FREM1: variants seen among roughly 807,000 people sequenced by gnomAD.
FREM1 encodes FRAS1-related extracellular matrix protein 1.
In FREM1, 220 loss-of-function variants were observed where a neutral mutation model predicts 210.1. The observed-to-expected ratio is 1.05, with a 90% CI of 0.94 to 1.17. The LOEUF is 1.17. FREM1 is among the 50% of genes most tolerant of loss of function. FREM1 has a pLI of 0.00. For synonymous variants in FREM1, 1,189 were observed against 980.2 expected (o/e 1.21, Z -3.98); for missense variants, 3,454 against 2,675.5 (o/e 1.29, Z -6.42).
intron 22 of FREM1, chr9:14,790,665 A>T (rs192251553): frequency 6.6e-6 from 1 of 152,340 alleles, no homozygotes; most frequent in African/African-American, 2.4e-5. Context: ...CAGATTCAAG[A>T]TGGCGAAAAC....
chr9:14,870,468 T>C (rs1419696767), intron 1 of FREM1, among the ~76,000 whole-genome samples: 1 of 152,124 alleles, frequency 6.6e-6, no homozygotes, highest in African/African-American at 2.4e-5. Context: ...GGTTGTTTTG[T>C]TTTTTGTTGC....
intron 18 of FREM1, among the ~76,000 whole-genome samples, chr9:14,806,147 A>C (rs932178198): frequency 6.6e-6 from 1 of 152,162 alleles, no homozygotes; most frequent in African/African-American, 2.4e-5. Flanking sequence ...GTAAATTTGC[A>C]TGCAAGGGGG....
At chr9:14,827,756 G>A (rs1238511992) in intron 10 of FREM1, among the ~76,000 whole-genome samples, 2 of 152,182 alleles carry the variant, frequency 1.3e-5, no homozygotes, top group African/African-American at 4.8e-5. Flanking sequence ...AGGGCCTTGA[G>A]GACAGAATGG....
At position 14,750,192 on chromosome 9, in the gene FREM1, G is replaced by C; in HGVS notation, c.5492C>G (p.Ser1831Cys). 6.2e-7 allele frequency: 1 copy of C among 1,613,726 alleles called. No homozygotes were observed. Among genetic ancestry groups the C allele is most frequent in the African/African-American group, 1.3e-5 (1 of 75,028 alleles). ...TGTGCCAAGAACTGCATTCACAGGG[G>C]AGTTCAGAATTACTTCAAAGACCTC... ...DDEVFEVILN[S>C]PVNAVLGTKT... The change falls in exon 30 of 37, where the codon TCC becomes TGC. Residue 1831 changes from serine (S) to cysteine (C), a missense_variant. Transcript: ENST00000380880.
intron 20 of FREM1, 47 bp downstream of exon 20, chr9:14,801,605 T>G (rs757938708): frequency 1.5e-6 from 2 of 1,307,134 alleles, no homozygotes; most frequent in African/African-American, 1.4e-5. Flanking sequence ...ATGGGTTAAA[T>G]TATTCAATCA....
intron 6 of FREM1, among the ~76,000 whole-genome samples, chr9:14,849,745 G>A (rs1485888538): frequency 2.0e-5 from 3 of 152,144 alleles, no homozygotes; most frequent in African/African-American, 7.2e-5. Flanking sequence ...AAAACTGTGT[G>A]ATCTCCACTG....
intron 16 of FREM1, among the ~76,000 whole-genome samples, chr9:14,808,507 G>A (rs1472776073): frequency 2.6e-5 from 4 of 152,090 alleles, no homozygotes; most frequent in African/African-American, 9.7e-5. Flanking sequence ...GAGGGAGAAG[G>A]CAACCTTTTC....
At chr9:14,908,569 G>A (rs1818196046) in intron 1 of FREM1, among the ~76,000 whole-genome samples, 1 of 152,106 alleles carries the variant, frequency 6.6e-6, no homozygotes, top group Non-Finnish European at 1.5e-5. Context: ...AAAAGATGAG[G>A]TTGGTGGAAA....
intron 22 of FREM1, among the ~76,000 whole-genome samples, chr9:14,789,693 T>C (rs1449171773): frequency 6.6e-6 from 1 of 152,178 alleles, no homozygotes; most frequent in African/African-American, 2.4e-5. Context: ...CATCAAAAAA[T>C]ATAAACTGCA....
chr9:14,746,300 T>C (rs910709300), intron 35 of FREM1, 53 bp downstream of exon 35: 16 of 1,268,566 alleles, frequency 1.3e-5, no homozygotes, highest in Middle Eastern at 1.9e-4. Context: ...CATGAGCAAA[T>C]AGAGAAATAG....
intron 5 of FREM1, 125 bp from the exon 6 acceptor site, chr9:14,851,732 T>A (rs1358935120): frequency 1.3e-6 from 1 of 798,690 alleles, no homozygotes; most frequent in Admixed American, 1.9e-5. Flanking sequence ...GAAGCCTGGC[T>A]GCATATTGGA....
At chr9:14,789,920 T>C (rs952900357) in intron 22 of FREM1, among the ~76,000 whole-genome samples, 2 of 152,222 alleles carry the variant, frequency 1.3e-5, no homozygotes, top group Admixed American at 6.5e-5. Flanking sequence ...TTAAGGTACA[T>C]AGCTTTCCCT....
chr9:14,868,653 AC>A, intron 2 of FREM1, 90 bp downstream of exon 2: 1 of 810,274 alleles, frequency 1.2e-6, no homozygotes. Flanking sequence ...TTGAGGGGAG[AC>A]ATTTTACATC....
intron 8 of FREM1, among the ~76,000 whole-genome samples, chr9:14,844,689 T>C (rs1826278118): frequency 1.3e-5 from 2 of 152,232 alleles, no homozygotes; most frequent in Non-Finnish European, 2.9e-5. Context: ...GGCATAGCAA[T>C]ATGGTCATTT....
At chr9:14,821,058 C>T (rs1821208956) in intron 13 of FREM1, among the ~76,000 whole-genome samples, 1 of 152,072 alleles carries the variant, frequency 6.6e-6, no homozygotes. Context: ...ACTCATTAGT[C>T]ATTAGCTTTT....
intron 4 of FREM1, among the ~76,000 whole-genome samples, chr9:14,858,564 C>T (rs372585212): frequency 3.3e-5 from 5 of 151,466 alleles, no homozygotes; most frequent in Non-Finnish European, 5.9e-5. Context: ...ACAAATGTGC[C>T]GTTAACTGTC....
At position 14,759,868 on chromosome 9, in the gene FREM1, T is replaced by C; in HGVS notation, c.5238A>G (p.Ser1746=). Residue 1746 remains serine (S), a synonymous_variant, in exon 28 of 37, where the codon TCA becomes TCG. Transcript: ENST00000380880. The stretch of plus-strand genomic sequence containing the variant: ...TCTCACAGACTTCATATTCGGTCTG[T>C]GACCATTCAATATGAGACCACTTCA... ...LELKWSHIEW[S]QTEYEVCENV... is the part of the protein sequence containing the mutation. 3.1e-6 allele frequency: 5 copies of C among 1,612,384 alleles called. No individual in the cohort carries two copies. Among genetic ancestry groups the C allele is most frequent in the Non-Finnish European group, 4.2e-6 (5 of 1,178,896 alleles).
chr9:14,851,623 G>C lies in FREM1; in HGVS notation c.829-16C>G. The C allele has an allele frequency of 6.4e-7, 1 of 1,565,408 alleles. No homozygotes were observed. Among genetic ancestry groups the C allele is most frequent in the Non-Finnish European group, 8.8e-7 (1 of 1,135,894 alleles). ...CACTCTCTGACTTTTGAAGGATAGA[G>C]AAAATATAAAGGAGGAAATAATATG... is the stretch of plus-strand genomic sequence containing the variant. On this transcript the variant is annotated splice_polypyrimidine_tract_variant and intron_variant, in intron 5 of 36. Transcript: ENST00000380880.
intron 35 of FREM1, among the ~76,000 whole-genome samples, chr9:14,741,811 A>G (rs1794275601): frequency 6.6e-6 from 1 of 152,232 alleles, no homozygotes; most frequent in South Asian, 2.1e-4. Context: ...CAACTTCAGC[A>G]TCAGGATATA....
Sources: allele counts gnomAD v4.1 joint callset (sites outside exome capture counted in the v4.1 genomes callset), GRCh38; gene constraint gnomAD v4.1.1; transcripts MANE v1.5; gene names NCBI Gene and HGNC (gene_info 2026-07-23, HGNC 2026-07-21).